ZNF469: variants seen among roughly 807,000 people sequenced by gnomAD.
ZNF469 encodes zinc finger protein 469.
Under a neutral mutation model 1.0 loss-of-function variants are expected in ZNF469, and 1 was observed. The ratio of observed to expected loss-of-function variants is 1.00; its 90% CI spans 0.35 to 4.73. The LOEUF (loss-of-function observed/expected upper bound fraction) is 4.73, where lower values mean the gene tolerates loss of function less well. ZNF469 is among the 30% of genes most tolerant of loss of function. The pLI is 0.16. For synonymous variants in ZNF469, 2,703 were observed against 2,363.4 expected (o/e 1.14, Z -4.17); for missense variants, 6,100 against 5,356.3 (o/e 1.14, Z -4.33).
intron 1 of ZNF469, among the ~76,000 whole-genome samples, chr16:88,397,409 T>C (rs193250890): frequency 2.0e-4 from 30 of 152,284 alleles, no homozygotes; most frequent in East Asian, 1.5e-3. Context: ...CAGGTCTGCC[T>C]GCCCTCATCC....
the ZNF469 span, among the ~76,000 whole-genome samples, chr16:88,326,082 A>T: frequency 6.6e-6 from 1 of 152,240 alleles, no homozygotes; most frequent in Non-Finnish European, 1.5e-5. Context: ...GCAATGGGCC[A>T]CAGACATGTC....
At chr16:88,205,637 G>A in the ZNF469 span, among the ~76,000 whole-genome samples, 10 of 152,132 alleles carry the variant, frequency 6.6e-5, no homozygotes, top group East Asian at 1.9e-4. The surrounding 1 kb of genome is among the most constrained non-coding windows in gnomAD (Gnocchi z 4.2). Context: ...CTCGTCCGGC[G>A]GTAACAGCAG....
chr16:88,122,137 C>T, the ZNF469 span, among the ~76,000 whole-genome samples: 2 of 147,040 alleles, frequency 1.4e-5, no homozygotes, highest in East Asian at 3.9e-4. Flanking sequence ...ACAGTGGCCA[C>T]TCAGATCACA....
chr16:88,278,664 G>A, the ZNF469 span, among the ~76,000 whole-genome samples: 41 of 130,826 alleles, frequency 3.1e-4, 5 homozygotes, highest in African/African-American at 1.0e-3. Flanking sequence ...GCCGATGCTC[G>A]GTCAGTACCA....
chr16:88,431,771 C>G lies in ZNF469; in HGVS notation c.4301C>G (p.Pro1434Arg). The G allele has an allele frequency of 6.5e-7, 1 of 1,549,906 alleles. No individual in the cohort carries two copies. Among genetic ancestry groups the G allele is most frequent in the Non-Finnish European group, 8.7e-7 (1 of 1,146,970 alleles). Residue 1434 changes from proline (P) to arginine (R), a missense_variant, in exon 3 of 3, where the codon CCT becomes CGT. Physicochemically the swap from Pro to Arg is moderately radical, Grantham distance 103. Coordinates refer to ENST00000565624, the MANE Select transcript of ZNF469 (RefSeq NM_001367624.2). ...SLEPQLPRSP[P>R]GTAETEPGRA... Reference sequence around the variant, plus strand: ...GAGCCACAGCTGCCAAGGAGCCCACCTGGCACCGCTGAGACGGAGCCAGGC... The same window carrying G: ...GAGCCACAGCTGCCAAGGAGCCCACGTGGCACCGCTGAGACGGAGCCAGGC...
chr16:88,133,465 G>C, the ZNF469 span, among the ~76,000 whole-genome samples: 5 of 152,190 alleles, frequency 3.3e-5, no homozygotes, highest in African/African-American at 1.2e-4. Flanking sequence ...GCCGCCTGGG[G>C]CTCTGAGTCC....
At chr16:88,348,073 C>T in the ZNF469 span, among the ~76,000 whole-genome samples, 1 of 152,250 alleles carries the variant, frequency 6.6e-6, no homozygotes, top group Non-Finnish European at 1.5e-5. Context: ...GGGACAGCAG[C>T]GGGTCGGAGC....
At chr16:88,414,373 C>T (rs1905251784) in intron 1 of ZNF469, among the ~76,000 whole-genome samples, 1 of 152,242 alleles carries the variant, frequency 6.6e-6, no homozygotes, top group Non-Finnish European at 1.5e-5. Flanking sequence ...AGGCATCTGG[C>T]CTCGGGGGCA....
intron 1 of ZNF469, among the ~76,000 whole-genome samples, chr16:88,423,990 TA>T (rs1348679656): frequency 3.3e-5 from 5 of 152,262 alleles, no homozygotes; most frequent in Non-Finnish European, 7.3e-5. Context: ...TGTGTGGCCA[TA>T]TTTTAAAACC....
the ZNF469 span, among the ~76,000 whole-genome samples, chr16:88,136,855 C>T: frequency 8.5e-5 from 13 of 152,248 alleles, no homozygotes. Context: ...TGAGTGATGA[C>T]TGTGGAGGGC....
the ZNF469 span, among the ~76,000 whole-genome samples, chr16:88,340,360 G>T: frequency 6.6e-6 from 1 of 152,160 alleles, no homozygotes; most frequent in Non-Finnish European, 1.5e-5. Context: ...GGTATCAAAG[G>T]CCAGTTATCA....
chr16:88,105,991 G>A, the ZNF469 span, among the ~76,000 whole-genome samples: 2 of 152,346 alleles, frequency 1.3e-5, no homozygotes, highest in African/African-American at 4.8e-5. Flanking sequence ...GTCTTGGCAC[G>A]GGCCCAGTAA....
chr16:88,429,971 T>C lies in ZNF469; in HGVS notation c.2501T>C (p.Met834Thr), dbSNP rs1906019317. 3 of 1,550,132 alleles carry C rather than the reference T, an allele frequency of 1.9e-6. No individual in the cohort carries two copies. Among genetic ancestry groups the C allele is most frequent in the Non-Finnish European group, 2.6e-6 (3 of 1,146,902 alleles). The change falls in exon 3 of 3, where the codon ATG (methionine) becomes ACG (threonine). Residue 834 changes from methionine (M) to threonine (T), a missense_variant. Physicochemically the swap from Met to Thr is moderately conservative, Grantham distance 81. Coordinates refer to ENST00000565624, the MANE Select transcript of ZNF469 (RefSeq NM_001367624.2). ...PFPLPASDLD[M>T]EDDAKLDSLI... Reference sequence around the variant, plus strand: ...CCGCTCCCTGCCTCGGACCTGGACATGGAGGATGACGCCAAGCTGGACAGC... The same window carrying C: ...CCGCTCCCTGCCTCGGACCTGGACACGGAGGATGACGCCAAGCTGGACAGC...
the ZNF469 span, among the ~76,000 whole-genome samples, chr16:88,103,546 A>C: frequency 6.6e-6 from 1 of 152,076 alleles, no homozygotes; most frequent in Non-Finnish European, 1.5e-5. Flanking sequence ...GTCCCCCCCG[A>C]ATCTCCCCCT....
chr16:88,250,150 G>T, the ZNF469 span, among the ~76,000 whole-genome samples: 1 of 152,200 alleles, frequency 6.6e-6, no homozygotes, highest in African/African-American at 2.4e-5. Context: ...CCACCAATCA[G>T]ATCAGGAAAC....
the ZNF469 span, among the ~76,000 whole-genome samples, chr16:88,184,017 C>T: frequency 2.0e-5 from 3 of 151,918 alleles, no homozygotes; most frequent in African/African-American, 4.8e-5. Context: ...GAAGGAGGAA[C>T]GCAGAGGTGC....
chr16:88,363,832 C>T, the ZNF469 span, among the ~76,000 whole-genome samples: 554 of 152,268 alleles, frequency 3.6e-3, 3 homozygotes, highest in African/African-American at 0.012. Flanking sequence ...ACCTCTGAGT[C>T]GTTGTTTTCT....
At chr16:88,117,847 G>A in the ZNF469 span, among the ~76,000 whole-genome samples, 3 of 152,238 alleles carry the variant, frequency 2.0e-5, no homozygotes, top group African/African-American at 7.2e-5. Context: ...AGGCCGCCGT[G>A]TCGTCAGAGG....
chr16:88,426,112 G>A (rs995385524), intron 2 of ZNF469, among the ~76,000 whole-genome samples: 5 of 152,262 alleles, frequency 3.3e-5, no homozygotes, highest in Admixed American at 6.5e-5. Context: ...AGCTCAGGCC[G>A]GTGGGAGGGT....
Sources: allele counts gnomAD v4.1 joint callset (sites outside exome capture counted in the v4.1 genomes callset), GRCh38; gene constraint gnomAD v4.1.1; non-coding constraint Gnocchi (gnomAD v3.1); transcripts MANE v1.5; gene names NCBI Gene and HGNC (gene_info 2026-07-23, HGNC 2026-07-21).